MPDZ: variants seen among roughly 807,000 people sequenced by gnomAD.
The protein encoded by MPDZ is multiple PDZ domain protein.
In MPDZ, 234 loss-of-function variants were observed where a neutral mutation model predicts 239.1. The ratio of observed to expected loss-of-function variants is 0.98; its 90% CI spans 0.88 to 1.09. The LOEUF (loss-of-function observed/expected upper bound fraction) is 1.09, where lower values mean the gene tolerates loss of function less well. Ranked by LOEUF, MPDZ falls within the 50% of genes least tolerant of loss-of-function variation. The pLI is 0.00. For missense variants in MPDZ, 3,175 were observed against 2,510.0 expected (o/e 1.26, Z -5.66); for synonymous variants, 1,048 against 881.3 (o/e 1.19, Z -3.35).
intron 3 of MPDZ, among the ~76,000 whole-genome samples, chr9:13,239,402 C>T (rs1964836266): frequency 6.6e-6 from 1 of 152,070 alleles, no homozygotes; most frequent in Non-Finnish European, 1.5e-5. Flanking sequence ...AATCATATTA[C>T]CGACTTTATA....
intron 3 of MPDZ, among the ~76,000 whole-genome samples, chr9:13,228,140 T>C (rs1211443051): frequency 6.6e-6 from 1 of 152,154 alleles, no homozygotes. Flanking sequence ...GCAATTTTTA[T>C]ATACAGATAA....
chr9:13,279,315 G>T (rs1344492905), intron 1 of MPDZ, 85 bp downstream of exon 1: 1 of 118,652 alleles, frequency 8.4e-6, no homozygotes, highest in African/African-American at 2.9e-5. Context: ...CGAGCCCAGG[G>T]CGCCCGCGCA....
chr9:13,138,199 A>G, intron 28 of MPDZ, 46 bp from the exon 29 acceptor site: 1 of 1,471,706 alleles, frequency 6.8e-7, no homozygotes, highest in South Asian at 1.6e-5. Context: ...GTTAATTTAC[A>G]GTCAAATGCT....
Position 13,251,221 on chromosome 9 carries a change from T to G in MPDZ, c.-57-849A>C, listed in dbSNP as rs115907020. 5.0e-3 allele frequency among the ~76,000 whole-genome samples: 754 copies of G among 151,944 alleles called. 12 individuals are homozygous for G. The highest frequency in any genetic ancestry group is 0.017 in the African/African-American group (704 of 41,460). Reference sequence around the variant, plus strand: ...ACCTGAACCACTGGAAGATAATACTTTAAATCACGGATGAAAAACTGAACA... The same window carrying G: ...ACCTGAACCACTGGAAGATAATACTGTAAATCACGGATGAAAAACTGAACA... On this transcript the variant is annotated intron_variant, in intron 1 of 46. Coordinates refer to ENST00000319217, the MANE Select transcript of MPDZ (RefSeq NM_001378778.1).
chr9:13,144,481 C>T (rs1948173874), intron 26 of MPDZ, among the ~76,000 whole-genome samples: 2 of 151,758 alleles, frequency 1.3e-5, no homozygotes, highest in Admixed American at 1.3e-4. Context: ...CTATCTTTTT[C>T]TTTTATTGAC....
intron 11 of MPDZ, 109 bp from the exon 12 acceptor site, chr9:13,205,216 A>G: frequency 1.8e-6 from 1 of 548,942 alleles, no homozygotes; most frequent in Non-Finnish European, 3.0e-6. Context: ...TCTGTTTTTC[A>G]GAGATAAACT....
intron 8 of MPDZ, 74 bp from the exon 9 acceptor site, chr9:13,217,368 C>A (rs1430380450): frequency 4.2e-6 from 4 of 950,878 alleles, no homozygotes; most frequent in African/African-American, 1.7e-5. Flanking sequence ...AACAAACAAA[C>A]AAAAAAACCA....
chr9:13,118,169 TA>T (rs1036548720), intron 39 of MPDZ, among the ~76,000 whole-genome samples: 4 of 152,218 alleles, frequency 2.6e-5, no homozygotes, highest in African/African-American at 9.6e-5. Context: ...ATGACTGGTT[TA>T]AAAATTATTT....
intron 1 of MPDZ, among the ~76,000 whole-genome samples, chr9:13,272,096 A>C (rs1003588656): frequency 6.6e-6 from 1 of 152,160 alleles, no homozygotes; most frequent in Non-Finnish European, 1.5e-5. Context: ...GCCAAAATTC[A>C]ACAAATTGTA....
intron 1 of MPDZ, among the ~76,000 whole-genome samples, chr9:13,275,335 A>G (rs1436283328): frequency 6.6e-6 from 1 of 152,212 alleles, no homozygotes; most frequent in African/African-American, 2.4e-5. Context: ...CTATAGACAT[A>G]CACAGAGGGA....
intron 7 of MPDZ, among the ~76,000 whole-genome samples, chr9:13,220,357 C>A (rs1958948313): frequency 1.3e-5 from 2 of 152,014 alleles, no homozygotes; most frequent in African/African-American, 4.8e-5. Context: ...TGGAACTCTT[C>A]TGCACTACTC....
At chr9:13,165,485 G>C in intron 22 of MPDZ, 1 of 1,517,562 alleles carries the variant, frequency 6.6e-7, no homozygotes, top group South Asian at 1.2e-5. Flanking sequence ...CTGAATGTGA[G>C]ATGCATACAT....
intron 46 of MPDZ, 106 bp downstream of exon 46, chr9:13,108,830 G>C (rs1941926117): frequency 6.1e-6 from 7 of 1,147,880 alleles, no homozygotes; most frequent in East Asian, 2.8e-5. Context: ...ATGATCAACT[G>C]TTAACCATTT....
At chr9:13,204,696 T>C (rs574821186) in intron 12 of MPDZ, among the ~76,000 whole-genome samples, 4 of 152,180 alleles carry the variant, frequency 2.6e-5, no homozygotes, top group Non-Finnish European at 5.9e-5. Context: ...TTAGTTTATG[T>C]TGGCTGTATA....
chr9:13,171,603 T>A (rs766481915), intron 21 of MPDZ, among the ~76,000 whole-genome samples: 2 of 152,128 alleles, frequency 1.3e-5, no homozygotes, highest in Non-Finnish European at 2.9e-5. Context: ...CACAGACTTA[T>A]CAAAAAGCAT....
rs1954077498 is a variant in MPDZ, at chr9:13,186,220, A to T, written c.2481+50T>A. On this transcript the variant is annotated intron_variant, in intron 18 of 46. Transcript: ENST00000319217. ...TTCAGAATATTTTGAAAGGCAAAGT[A>T]AGACATATCAGGTTTCTGAAAGAAA... 12 of 1,019,250 alleles carry T rather than the reference A, an allele frequency of 1.2e-5. No individual in the cohort carries two copies. The Middle Eastern group carries it at 6.3e-4, about 54-fold the overall frequency. The allele number at this position is 1,019,250 out of a possible 1,614,324, so 63.1% of individuals were successfully genotyped here. A position where few individuals can be genotyped will look rare whatever the true frequency, so the allele number is the denominator to read the frequency against.
intron 13 of MPDZ, among the ~76,000 whole-genome samples, chr9:13,193,836 A>C (rs912189901): frequency 8.5e-5 from 13 of 152,206 alleles, no homozygotes; most frequent in African/African-American, 3.1e-4. Flanking sequence ...AATCCAATAA[A>C]TAAAATATTA....
chr9:13,135,991 C>T, intron 31 of MPDZ, 101 bp downstream of exon 31: 2 of 766,696 alleles, frequency 2.6e-6, no homozygotes, highest in South Asian at 1.8e-5. Flanking sequence ...AACTTATCTA[C>T]CTCTAATATC....
At chr9:13,178,697 T>C (rs985954964) in intron 19 of MPDZ, among the ~76,000 whole-genome samples, 2 of 152,162 alleles carry the variant, frequency 1.3e-5, no homozygotes, top group African/African-American at 4.8e-5. Flanking sequence ...TGGTGACGAA[T>C]AGACATTCTT....
Sources: allele counts gnomAD v4.1 joint callset (sites outside exome capture counted in the v4.1 genomes callset), GRCh38; gene constraint gnomAD v4.1.1; transcripts MANE v1.5; gene names NCBI Gene and HGNC (gene_info 2026-07-23, HGNC 2026-07-21).